The following MINDY4 variants were observed in gnomAD, a reference collection of about 807,000 sequenced individuals.
MINDY4 encodes probable ubiquitin carboxyl-terminal hydrolase MINDY-4.
In MINDY4, 68 loss-of-function variants were observed where a neutral mutation model predicts 87.0. The ratio of observed to expected loss-of-function variants is 0.78; its 90% CI spans 0.64 to 0.96. MINDY4 has a LOEUF of 0.96. Among genes scored for constraint, MINDY4 ranks in the 40% least tolerant of loss-of-function variants. MINDY4 has a pLI of 0.00. For missense variants in MINDY4, 919 were observed against 928.2 expected, an observed-to-expected ratio of 0.99 and a Z score of 0.13; for synonymous variants, 379 against 363.2, an observed-to-expected ratio of 1.04 and a Z score of -0.50.
In MINDY4 at chr7:30,791,626, C is replaced by T. The variant is rs1365544064; in HGVS notation, c.1073+52C>T. On this transcript the variant is annotated intron_variant, in intron 5 of 17. Transcript: ENST00000265299. ...CTTTTCAAAAAGAAGCTCCACCTCT[C>T]ACATGTTGTCTAGTCCCTAATGGCT... is the stretch of plus-strand genomic sequence containing the variant. The T allele has an allele frequency of 2.6e-6, 4 of 1,538,084 alleles. No individual in the cohort carries two copies. The Admixed American group carries it at 5.6e-5, about 22-fold the overall frequency.
chr7:30,844,355 C>G (rs896171029), intron 9 of MINDY4, among the ~76,000 whole-genome samples: 1 of 152,112 alleles, frequency 6.6e-6, no homozygotes, highest in South Asian at 2.1e-4. Flanking sequence ...AGACCGTCTC[C>G]CCTGACCCCA....
intron 5 of MINDY4, among the ~76,000 whole-genome samples, chr7:30,798,717 C>G (rs1003463956): frequency 2.0e-5 from 3 of 152,182 alleles, no homozygotes; most frequent in Admixed American, 2.0e-4. Flanking sequence ...CCAGGATGGT[C>G]TCAATCTCTT....
intron 9 of MINDY4, among the ~76,000 whole-genome samples, chr7:30,846,461 A>C (rs1389779712): frequency 6.6e-6 from 1 of 152,228 alleles, no homozygotes; most frequent in Non-Finnish European, 1.5e-5. Flanking sequence ...TTCGACTCTT[A>C]AAGAAACTTC....
intron 13 of MINDY4, among the ~76,000 whole-genome samples, chr7:30,861,682 C>T (rs1361020842): frequency 6.6e-6 from 1 of 152,246 alleles, no homozygotes; most frequent in African/African-American, 2.4e-5. Flanking sequence ...TAGCACAGCT[C>T]CTGGTGGGTA....
chr7:30,802,540 T>C (rs1014174369), intron 5 of MINDY4, among the ~76,000 whole-genome samples: 2 of 152,280 alleles, frequency 1.3e-5, no homozygotes, highest in South Asian at 2.1e-4. Flanking sequence ...TACTCAGCCA[T>C]GTCTCTGTAC....
intron 5 of MINDY4, 125 bp from the exon 6 acceptor site, chr7:30,828,554 G>C: frequency 1.0e-6 from 1 of 954,354 alleles, no homozygotes; most frequent in South Asian, 1.4e-5. Context: ...AAGGCACACA[G>C]AGGCAAGGCC....
intron 1 of MINDY4, 54 bp downstream of exon 1, chr7:30,771,610 A>G: frequency 6.5e-7 from 1 of 1,535,742 alleles, no homozygotes; most frequent in South Asian, 1.2e-5. Flanking sequence ...TGGGGGGATC[A>G]TCGGGGTCTC....
At chr7:30,825,066 T>G (rs1024832069) in intron 5 of MINDY4, among the ~76,000 whole-genome samples, 2 of 152,260 alleles carry the variant, frequency 1.3e-5, no homozygotes, top group Non-Finnish European at 2.9e-5. Flanking sequence ...CCCCATGAAT[T>G]TATTAGTTGC....
chr7:30,822,424 GC>G (rs1788363080), intron 5 of MINDY4, among the ~76,000 whole-genome samples: 1 of 152,066 alleles, frequency 6.6e-6, no homozygotes, highest in Non-Finnish European at 1.5e-5. Flanking sequence ...TCCTGCCTCA[GC>G]CTCCTAAAGT....
intron 13 of MINDY4, among the ~76,000 whole-genome samples, chr7:30,860,229 C>T (rs1789707886): frequency 6.6e-6 from 1 of 152,032 alleles, no homozygotes; most frequent in South Asian, 2.1e-4. Context: ...GAGGTCACAG[C>T]AGGAGACACT....
chr7:30,788,337 T>C (rs1267529530), intron 4 of MINDY4, among the ~76,000 whole-genome samples: 1 of 152,270 alleles, frequency 6.6e-6, no homozygotes, highest in Non-Finnish European at 1.5e-5. Flanking sequence ...TCAGTTTCGC[T>C]TGATATGTCT....
intron 6 of MINDY4, among the ~76,000 whole-genome samples, chr7:30,829,284 C>CT (rs1340829553): frequency 1.4e-5 from 2 of 145,764 alleles, no homozygotes; most frequent in African/African-American, 2.6e-5. Context: ...TTGAAGCAAA[C>CT]TTTTTTTCTC....
At chr7:30,891,456 C>T (rs1233370997) in intron 17 of MINDY4, among the ~76,000 whole-genome samples, 1 of 152,224 alleles carries the variant, frequency 6.6e-6, no homozygotes, top group African/African-American at 2.4e-5. Flanking sequence ...GTGCTCACAG[C>T]CATTCACTAC....
At chr7:30,775,610 G>A (rs1267629863) in intron 1 of MINDY4, among the ~76,000 whole-genome samples, 2 of 152,136 alleles carry the variant, frequency 1.3e-5, no homozygotes, top group African/African-American at 2.4e-5. Flanking sequence ...TCCCTCTCTG[G>A]GAGATTGGGA....
intron 12 of MINDY4, 51 bp from the exon 13 acceptor site, chr7:30,859,206 G>A: frequency 6.4e-7 from 1 of 1,554,644 alleles, no homozygotes; most frequent in Non-Finnish European, 8.9e-7. Context: ...GTGGGGCTGG[G>A]AAGAGGGAGG....
intron 5 of MINDY4, among the ~76,000 whole-genome samples, chr7:30,808,932 GGAGAGAGA>G (rs55961516): frequency 6.9e-6 from 1 of 145,114 alleles, no homozygotes; most frequent in Non-Finnish European, 1.5e-5. Context: ...AGGGAGTCAA[GGAGAGAGA>G]GAGAGAGAGA....
intron 4 of MINDY4, chr7:30,786,322 G>A (rs912439926): frequency 6.9e-5 from 18 of 260,922 alleles, no homozygotes; most frequent in South Asian, 6.4e-5. Context: ...GGTTCAGAGA[G>A]CATCTTTAGG....
At chr7:30,877,120 G>T (rs1347085970) in intron 15 of MINDY4, among the ~76,000 whole-genome samples, 2 of 152,176 alleles carry the variant, frequency 1.3e-5, no homozygotes, top group Non-Finnish European at 2.9e-5. Flanking sequence ...CTGTGCTGGT[G>T]TTAGGAGGGA....
chr7:30,800,097 C>G (rs1341484031), intron 5 of MINDY4, among the ~76,000 whole-genome samples: 1 of 152,188 alleles, frequency 6.6e-6, no homozygotes, highest in Non-Finnish European at 1.5e-5. Flanking sequence ...CCCTTAGCAG[C>G]TGACATTGAC....
Sources: allele counts gnomAD v4.1 joint callset (sites outside exome capture counted in the v4.1 genomes callset), GRCh38; gene constraint gnomAD v4.1.1; transcripts MANE v1.5; gene names NCBI Gene and HGNC (gene_info 2026-07-23, HGNC 2026-07-21).